Variants in PSMD9 observed in about 807,000 individuals in gnomAD.
PSMD9 encodes 26S proteasome non-ATPase regulatory subunit 9.
Under a neutral mutation model 25.9 loss-of-function variants are expected in PSMD9, and 26 were observed. That is an observed-to-expected ratio of 1.00 (90% CI 0.73 to 1.39). The LOEUF (loss-of-function observed/expected upper bound fraction) is 1.39. PSMD9 is among the 40% of genes most tolerant of loss of function. The probability of loss-of-function intolerance (pLI) is 0.00; values close to 1 mark genes in which losing one functional copy is unlikely to be tolerated. For synonymous variants in PSMD9, 110 were observed against 114.5 expected (o/e 0.96, Z 0.25); for missense variants, 303 against 299.3 (o/e 1.01, Z -0.09).
chr12:121,894,616 C>A, intron 1 of PSMD9, 123 bp from the exon 2 acceptor site: 1 of 758,266 alleles, frequency 1.3e-6, no homozygotes, highest in Admixed American at 2.2e-5. Flanking sequence ...TGTAAGTGAT[C>A]AGTATGTGGC....
In PSMD9 at chr12:121,917,826, T is replaced by A. The variant is rs1592954361; in HGVS notation, c.*1515T>A. ...TCCACGTATTTTCCAGTCTCTTTTA[T>A]AAAGTCTCAGACTATAATAAACACA... is the stretch of plus-strand genomic sequence containing the variant. On this transcript the variant is annotated 3_prime_UTR_variant, in exon 6 of 6. Transcript: ENST00000541212. 6.6e-6 allele frequency: 1 copy of A among 152,258 alleles called. No homozygotes were observed. The highest frequency in any genetic ancestry group is 1.9e-4 in the East Asian group (1 of 5,208). The allele number at this position is 152,258 out of a possible 1,614,324, so 9.4% of individuals were successfully genotyped here. A position where few individuals can be genotyped will look rare whatever the true frequency, so the allele number is the denominator to read the frequency against.
intron 1 of PSMD9, 167 bp from the exon 2 acceptor site, chr12:121,894,572 A>G: frequency 1.6e-6 from 1 of 616,036 alleles, no homozygotes; most frequent in Non-Finnish European, 2.9e-6. Flanking sequence ...TGCCCACCCC[A>G]GGGTAGTTGT....
At chr12:121,913,501 T>C (rs1485299379) in intron 4 of PSMD9, among the ~76,000 whole-genome samples, 1 of 151,216 alleles carries the variant, frequency 6.6e-6, no homozygotes, top group African/African-American at 2.4e-5. Context: ...TTCTTTTTTT[T>C]TTTTTTTTAA....
chr12:121,889,123 AGTGCGGCCTCTGTCG>A (rs1878983030), intron 1 of PSMD9, 129 bp downstream of exon 1: 5 of 1,197,052 alleles, frequency 4.2e-6, no homozygotes, highest in Non-Finnish European at 5.8e-6. Flanking sequence ...AGGCGCCGCA[AGTGCGGCCTCTGTCG>A]GCACAAGAAG....
chr12:121,888,881 A>G lies in PSMD9; in HGVS notation c.25A>G (p.Ser9Gly), dbSNP rs747636891. The G allele has an allele frequency of 6.2e-7, 1 of 1,603,920 alleles. No homozygotes were observed. Among genetic ancestry groups the G allele is most frequent in the Admixed American group, 1.7e-5 (1 of 58,390 alleles). The change falls in exon 1 of 6, where the codon AGC (serine) becomes GGC (glycine). Residue 9 changes from serine (S) to glycine (G), a missense_variant. By Grantham distance (56) the Ser-to-Gly change is moderately conservative. Coordinates refer to ENST00000541212, the MANE Select transcript of PSMD9 (RefSeq NM_002813.7). ...GATGTCCGACGAGGAAGCGAGGCAG[A>G]GCGGAGGCTCCTCGCAGGCCGGCGT... MSDEEARQ[S>G]GGSSQAGVVT...
intron 1 of PSMD9, among the ~76,000 whole-genome samples, chr12:121,891,298 TAA>T (rs1209397158): frequency 2.2e-3 from 203 of 91,694 alleles, no homozygotes; most frequent in African/African-American, 7.6e-3. Flanking sequence ...GCTGTCTCTT[TAA>T]AAAAAAAAAA....
At chr12:121,900,678 A>G (rs997782144) in intron 3 of PSMD9, among the ~76,000 whole-genome samples, 2 of 147,886 alleles carry the variant, frequency 1.4e-5, no homozygotes, top group East Asian at 2.1e-4. Flanking sequence ...ACCACAATCA[A>G]TTTTCTTTCT....
At chr12:121,905,655 G>A (rs1879534097) in intron 4 of PSMD9, among the ~76,000 whole-genome samples, 1 of 151,654 alleles carries the variant, frequency 6.6e-6, no homozygotes, top group Non-Finnish European at 1.5e-5. Flanking sequence ...AGTCTCCCAA[G>A]TAGCTGGGAT....
intron 4 of PSMD9, among the ~76,000 whole-genome samples, chr12:121,909,762 C>T (rs1177446709): frequency 2.0e-5 from 3 of 152,098 alleles, no homozygotes; most frequent in Non-Finnish European, 2.9e-5. Context: ...TTCCATTGGT[C>T]GGTTCACCAT....
chr12:121,889,941 G>A (rs1461010591), intron 1 of PSMD9, among the ~76,000 whole-genome samples: 1 of 151,904 alleles, frequency 6.6e-6, no homozygotes, highest in African/African-American at 2.4e-5. Context: ...TGTCTGAGAC[G>A]GAGTCTTGCT....
At chr12:121,907,316 C>T (rs1361014785) in intron 4 of PSMD9, among the ~76,000 whole-genome samples, 5 of 151,680 alleles carry the variant, frequency 3.3e-5, no homozygotes, top group African/African-American at 7.3e-5. Context: ...GTGATCTGCC[C>T]GCCTCGGCCT....
intron 4 of PSMD9, among the ~76,000 whole-genome samples, chr12:121,906,937 G>A (rs774001653): frequency 1.8e-4 from 26 of 144,672 alleles, no homozygotes; most frequent in Non-Finnish European, 3.8e-4. Flanking sequence ...CTGCACCCTA[G>A]CCTGGGCGAC....
At chr12:121,916,094 C>T (rs766391785) in intron 5 of PSMD9, 150 bp downstream of exon 5, 20 of 1,159,558 alleles carry the variant, frequency 1.7e-5, no homozygotes, top group Non-Finnish European at 2.2e-5. Flanking sequence ...GTGGTAGGAA[C>T]GAGACTACAG....
intron 1 of PSMD9, chr12:121,893,952 G>C (rs1003242536): frequency 1.3e-5 from 2 of 152,116 alleles, no homozygotes; most frequent in African/African-American, 4.8e-5. Flanking sequence ...GGAGGGAGGC[G>C]AGTGCTCCTA....
chr12:121,911,658 A>AT (rs1879724654), intron 4 of PSMD9, among the ~76,000 whole-genome samples: 2 of 129,670 alleles, frequency 1.5e-5, no homozygotes, highest in Non-Finnish European at 1.6e-5. Context: ...CAATATATGA[A>AT]CTTTTTTTTT....
chr12:121,906,263 AAGGTC>A (rs1879550925), intron 4 of PSMD9, among the ~76,000 whole-genome samples: 1 of 151,994 alleles, frequency 6.6e-6, no homozygotes, highest in South Asian at 2.1e-4. Flanking sequence ...GAGGATGGAG[AAGGTC>A]GTGTGTTGTG....
At chr12:121,914,200 T>A (rs1453271070) in intron 4 of PSMD9, 1 of 152,122 alleles carries the variant, frequency 6.6e-6, no homozygotes, top group Non-Finnish European at 1.5e-5. Flanking sequence ...GTATTTTAAT[T>A]TGTAATTTTT....
At chr12:121,912,056 T>G (rs1458701496) in intron 4 of PSMD9, among the ~76,000 whole-genome samples, 1 of 140,336 alleles carries the variant, frequency 7.1e-6, no homozygotes. Flanking sequence ...TTTATTTATT[T>G]ATTTTGAGAC....
At chr12:121,903,178 A>G in intron 4 of PSMD9, 71 bp downstream of exon 4, 2 of 1,329,996 alleles carry the variant, frequency 1.5e-6, no homozygotes, top group Non-Finnish European at 2.2e-6. Context: ...TGCGTGGCTT[A>G]CAAACAACAG....
Sources: allele counts gnomAD v4.1 joint callset (sites outside exome capture counted in the v4.1 genomes callset), GRCh38; gene constraint gnomAD v4.1.1; transcripts MANE v1.5; gene names NCBI Gene and HGNC (gene_info 2026-07-23, HGNC 2026-07-21).